Variants in BCL2L11 observed in about 807,000 individuals in gnomAD.
BCL2L11 encodes the protein BCL2 like 11, also known as bcl-2-like protein 11.
BCL2L11 carries 15 observed loss-of-function variants against 20.6 expected under a neutral mutation model. That is an observed-to-expected ratio of 0.73 (90% CI 0.49 to 1.12). BCL2L11 has a LOEUF of 1.12. Ranked by LOEUF, BCL2L11 falls within the 50% of genes most tolerant of loss-of-function variation. The pLI is 0.00. For missense variants in BCL2L11, 292 were observed against 260.9 expected, an observed-to-expected ratio of 1.12 and a Z score of -0.82; for synonymous variants, 108 against 92.8, an observed-to-expected ratio of 1.16 and a Z score of -0.94.
rs868840100 is a variant in BCL2L11 at position 111,120,992 on chromosome 2, G to A, written c.-210G>A. 7.8e-6 allele frequency: 3 copies of A among 384,646 alleles called. No homozygotes were observed. Among genetic ancestry groups the A allele is most frequent in the South Asian group, 4.1e-5 (1 of 24,488 alleles). The allele number at this position is 384,646 out of a possible 1,614,324, so 23.8% of individuals were successfully genotyped here. On this transcript the variant is annotated 5_prime_UTR_variant, in exon 1 of 4. Transcript: ENST00000393256. ...CGCCGCTGCCGCTGCCGCCGCCGCC[G>A]CCGCCGCCGCCGCCGCCGCCGCCGC...
chr2:111,131,226 C>A, intron 2 of BCL2L11: 1 of 1,478 alleles, frequency 6.8e-4, no homozygotes, highest in South Asian at 0.017. Context: ...GGGATGGGGG[C>A]GGGGGTGGGG....
At position 111,123,749 on chromosome 2, in the gene BCL2L11, G is replaced by T; in HGVS notation, c.4G>T (p.Ala2Ser). The T allele has an allele frequency of 1.4e-6, 2 of 1,385,338 alleles. No individual in the cohort carries two copies. Among genetic ancestry groups the T allele is most frequent in the South Asian group, 2.1e-5 (1 of 46,962 alleles). 85.8% of individuals were successfully genotyped at this position (1,385,338 alleles called of 1,614,324 possible). ...TACTTGCAGAAAAAAAGACCAAATG[G>T]CAAAGCAACCTTCTGATGTAAGTTC... M[A>S]KQPSDVSSEC... is the part of the protein sequence containing the mutation. The change falls in exon 2 of 4, where the codon GCA (alanine) becomes TCA (serine). Residue 2 changes from alanine to serine, a missense_variant. Physicochemically the swap from Ala to Ser is moderately conservative, Grantham distance 99 (BLOSUM62 1). Transcript: ENST00000393256.
At position 111,164,425 on chromosome 2, in the gene BCL2L11, A is replaced by G; in HGVS notation, c.*194A>G. The G allele has an allele frequency of 2.0e-6, 1 of 502,340 alleles. No homozygotes were observed. Among genetic ancestry groups the G allele is most frequent in the Non-Finnish European group, 3.6e-6 (1 of 278,652 alleles). The allele number at this position is 502,340 out of a possible 1,614,324, so 31.1% of individuals were successfully genotyped here. A position where few individuals can be genotyped will look rare whatever the true frequency, so the allele number is the denominator to read the frequency against. On this transcript the variant is annotated 3_prime_UTR_variant, in exon 4 of 4. Coordinates refer to ENST00000393256, the MANE Select transcript of BCL2L11 (RefSeq NM_138621.5). Reference sequence around the variant, plus strand: ...TCATCACCACACAGCAGAATTTCTAATGGAAGTTTGTTGTGAATGTAAAGG... The same window carrying G: ...TCATCACCACACAGCAGAATTTCTAGTGGAAGTTTGTTGTGAATGTAAAGG...
chr2:111,125,480 T>C (rs545184889), intron 2 of BCL2L11, among the ~76,000 whole-genome samples: 66 of 152,360 alleles, frequency 4.3e-4, no homozygotes, highest in African/African-American at 1.5e-3. Flanking sequence ...GGAAACCCAG[T>C]ACAGAGTCTA....
chr2:111,157,330 A>T (rs1450460076), intron 3 of BCL2L11, among the ~76,000 whole-genome samples: 1 of 152,234 alleles, frequency 6.6e-6, no homozygotes, highest in African/African-American at 2.4e-5. Flanking sequence ...GTTCAAAAAT[A>T]ATAAGCTTCT....
intron 1 of BCL2L11, chr2:111,122,662 C>G (rs1422652597): frequency 2.0e-6 from 2 of 983,664 alleles, no homozygotes; most frequent in South Asian, 4.5e-5. Context: ...AGGATGTTCC[C>G]GGCGGCTGCG....
At chr2:111,126,119 T>C (rs775476989) in intron 2 of BCL2L11, among the ~76,000 whole-genome samples, 11 of 152,196 alleles carry the variant, frequency 7.2e-5, no homozygotes, top group Non-Finnish European at 1.3e-4. Flanking sequence ...CATTGGTCTC[T>C]GTAGGTGATG....
At chr2:111,161,880 C>A (rs1439825110) in intron 3 of BCL2L11, among the ~76,000 whole-genome samples, 2 of 152,202 alleles carry the variant, frequency 1.3e-5, no homozygotes, top group Non-Finnish European at 2.9e-5. Context: ...AGCCGTTCCT[C>A]AGTATCTAGA....
intron 3 of BCL2L11, among the ~76,000 whole-genome samples, chr2:111,162,123 G>A (rs11686855): frequency 0.039 from 5,960 of 152,210 alleles, 176 homozygotes; most frequent in Non-Finnish European, 0.058. Flanking sequence ...TTTGCAATAC[G>A]GGCATACACT....
At chr2:111,123,356 G>T (rs965076171) in intron 1 of BCL2L11, 1 of 985,492 alleles carries the variant, frequency 1.0e-6, no homozygotes, top group African/African-American at 1.7e-5. Context: ...CCTGTGCTCC[G>T]GCGTCCTACC....
chr2:111,121,797 C>T, intron 1 of BCL2L11, among the ~76,000 whole-genome samples: 1 of 152,238 alleles, frequency 6.6e-6, no homozygotes, highest in East Asian at 1.9e-4. Flanking sequence ...CTGCAGGAGT[C>T]CTGCGGCCTG....
chr2:111,125,738 TGCTG>T (rs1442238302), intron 2 of BCL2L11, among the ~76,000 whole-genome samples: 1 of 152,154 alleles, frequency 6.6e-6, no homozygotes, highest in Non-Finnish European at 1.5e-5. Context: ...CAGCTACACA[TGCTG>T]GCTGCACGTC....
rs1332753519 is a variant in BCL2L11 at position 111,164,769 on chromosome 2, C to T, written c.*538C>T. ...TGTGATATACTCCCTCCCTTCCCTA[C>T]TATTGCCTCTCTGACCTTTTTAAAT... On this transcript the variant is annotated 3_prime_UTR_variant, in exon 4 of 4. Transcript: ENST00000393256. 1 of 152,946 alleles carries T rather than the reference C, an allele frequency of 6.5e-6. No individual in the cohort carries two copies. The highest frequency in any genetic ancestry group is 1.5e-5 in the Non-Finnish European group (1 of 68,250). The allele number at this position is 152,946 out of a possible 1,614,324, so 9.5% of individuals were successfully genotyped here. A position where few individuals can be genotyped will look rare whatever the true frequency, so the allele number is the denominator to read the frequency against.
intron 2 of BCL2L11, among the ~76,000 whole-genome samples, 178 bp from the exon 3 acceptor site, chr2:111,149,866 T>C (rs2077034880): frequency 6.6e-6 from 1 of 152,232 alleles, no homozygotes; most frequent in African/African-American, 2.4e-5. Context: ...ACCAGAGTTA[T>C]GTAGAAGACT....
At position 111,164,288 on chromosome 2, in the gene BCL2L11, A is replaced by C. The variant is rs2078921207; in HGVS notation, c.*57A>C. On this transcript the variant is annotated 3_prime_UTR_variant, in exon 4 of 4. Transcript: ENST00000393256. ...GACATTTTGCTTGTTCAAACCAACAAGACCCAGCACCGCGGTCTCCTGGTG... is the reference window on the plus strand; with the variant it reads ...GACATTTTGCTTGTTCAAACCAACACGACCCAGCACCGCGGTCTCCTGGTG... The C allele has an allele frequency of 1.5e-6, 2 of 1,316,768 alleles. No individual in the cohort carries two copies. The highest frequency in any genetic ancestry group is 2.2e-6 in the Non-Finnish European group (2 of 909,252). 81.6% of individuals were successfully genotyped at this position (1,316,768 alleles called of 1,614,324 possible).
rs929821114 is a variant in BCL2L11 at position 111,144,447 on chromosome 2, A to G, written c.395-5597A>G. On this transcript the variant is annotated intron_variant, in intron 2 of 3. Transcript: ENST00000393256. ...TTCAAACATGATTCTGATAGCATTT[A>G]CCGCAAACGCTGATGGCAGTTGCTC... 9.0e-6 allele frequency: 14 copies of G among 1,548,822 alleles called. No individual in the cohort carries two copies. In the African/African-American group the frequency reaches 1.9e-4, roughly 21 times the overall value.
chr2:111,139,661 A>C (rs2075489353), intron 2 of BCL2L11, among the ~76,000 whole-genome samples: 1 of 152,324 alleles, frequency 6.6e-6, no homozygotes, highest in Non-Finnish European at 1.5e-5. Context: ...TTTTTCACAC[A>C]CTATGAGGTA....
rs541824522 is a variant in BCL2L11 at position 111,152,212 on chromosome 2, A to C, written c.498+2065A>C. On this transcript the variant is annotated intron_variant, in intron 3 of 3. Coordinates refer to ENST00000393256, the MANE Select transcript of BCL2L11 (RefSeq NM_138621.5). ...ATCTCTGAACCTAGGCAATGAACTGACCATCCCCTGGGCCTGTCTCCTTCC... is the reference window on the plus strand; with the variant it reads ...ATCTCTGAACCTAGGCAATGAACTGCCCATCCCCTGGGCCTGTCTCCTTCC... Among the ~76,000 whole-genome samples, 4 of 152,290 alleles carry C rather than the reference A, an allele frequency of 2.6e-5. No individual in the cohort carries two copies. In the South Asian group the frequency reaches 8.3e-4, roughly 32 times the overall value.
At chr2:111,122,480 G>A (rs1482504133) in intron 1 of BCL2L11, among the ~76,000 whole-genome samples, 1 of 152,180 alleles carries the variant, frequency 6.6e-6, no homozygotes, top group African/African-American at 2.4e-5. Flanking sequence ...CTCGCCTTTG[G>A]CGGCCTGACC....
Sources: allele counts gnomAD v4.1 joint callset (sites outside exome capture counted in the v4.1 genomes callset), GRCh38; gene constraint gnomAD v4.1.1; transcripts MANE v1.5; gene names NCBI Gene and HGNC (gene_info 2026-07-23, HGNC 2026-07-21).